Variants in FGF13 observed in about 807,000 individuals in gnomAD.
FGF13 encodes fibroblast growth factor 13, also known as fibroblast growth factor homologous factor 2.
FGF13 carries 2 observed loss-of-function variants against 19.5 expected under a neutral mutation model. That is an observed-to-expected ratio of 0.10 (90% CI 0.04 to 0.32). The LOEUF (loss-of-function observed/expected upper bound fraction) is 0.32. FGF13 is among the 10% of genes least tolerant of loss of function. The pLI, the probability that FGF13 is intolerant of heterozygous loss-of-function variation, is 1.00. For synonymous variants in FGF13, 72 were observed against 76.9 expected (o/e 0.94, Z 0.33); for missense variants, 113 against 192.7 (o/e 0.59, Z 2.45).
intron 1 of FGF13, among the ~76,000 whole-genome samples, chrX:139,112,968 T>C (rs1402613859): frequency 1.1e-5 from 1 of 93,371 alleles, no homozygotes; most frequent in African/African-American, 4.2e-5. Flanking sequence ...TACTTGATTA[T>C]GTAGTGTGTG....
At chrX:139,086,942 C>T (rs898559011) in intron 1 of FGF13, among the ~76,000 whole-genome samples, 5 of 112,240 alleles carry the variant, frequency 4.5e-5, no homozygotes, top group Non-Finnish European at 9.4e-5. Context: ...GATTTCATCA[C>T]GTTGTTATCA....
intron 1 of FGF13, among the ~76,000 whole-genome samples, chrX:138,894,171 G>T (rs1230123096): frequency 9.1e-6 from 1 of 109,819 alleles, no homozygotes; most frequent in Non-Finnish European, 1.9e-5. Context: ...ATTTCAAAAT[G>T]CCCCGGGTCT....
chrX:138,703,171 C>G (rs2089964181), intron 2 of FGF13, 84 bp from the exon 3 acceptor site: 1 of 712,978 alleles, frequency 1.4e-6, no homozygotes, highest in Admixed American at 2.3e-5. Flanking sequence ...CTGCCTGGTC[C>G]TCCAAAAGTA....
chrX:138,781,872 C>G (rs1359798986), intron 3 of FGF13, among the ~76,000 whole-genome samples: 1 of 112,045 alleles, frequency 8.9e-6, no homozygotes, highest in East Asian at 2.8e-4. Context: ...GAATTTTAGA[C>G]CAATATCCTT....
chrX:138,820,226 C>T (rs1385017957), intron 3 of FGF13, among the ~76,000 whole-genome samples: 1 of 111,984 alleles, frequency 8.9e-6, no homozygotes, highest in Non-Finnish European at 1.9e-5. Flanking sequence ...AGAACCATTC[C>T]TGTCCTCAAA....
At chrX:138,740,180 C>A (rs2090309388), upstream of FGF13, among the ~76,000 whole-genome samples, 1 of 111,564 alleles carries the variant, frequency 9.0e-6, no homozygotes, top group Non-Finnish European at 1.9e-5. Flanking sequence ...TCAAATGAGT[C>A]TTTCCTTTTG....
At position 138,711,358 on chromosome X, in the gene FGF13, CTCCGGTCCGAATTT is replaced by C. The variant is rs2090045936; in HGVS notation, c.-369_-356del. On this transcript the variant is annotated 5_prime_UTR_variant, in exon 1 of 5. Coordinates refer to ENST00000315930, the MANE Select transcript of FGF13 (RefSeq NM_004114.5). ...GGCGGACACCGTGCATGTCCAGCTGCTCCGGTCCGAATTTCGCCGGACCCCCTCGCCCTGTTGCC... is the reference window on the plus strand; with the variant it reads ...GGCGGACACCGTGCATGTCCAGCTGCCGCCGGACCCCCTCGCCCTGTTGCC... 1 of 521,577 alleles carries C rather than the reference CTCCGGTCCGAATTT, an allele frequency of 1.9e-6. No individual in the cohort carries two copies. The highest frequency in any genetic ancestry group is 9.3e-5 in the African/African-American group (1 of 10,798). 43.0% of individuals were successfully genotyped at this position (521,577 alleles called of 1,213,427 possible). A position where few individuals can be genotyped will look rare whatever the true frequency, so the allele number is the denominator to read the frequency against.
intron 1 of FGF13, among the ~76,000 whole-genome samples, chrX:139,184,629 T>TAC (rs1260233869): frequency 1.8e-5 from 2 of 110,309 alleles, no homozygotes; most frequent in Non-Finnish European, 3.8e-5. Flanking sequence ...TGTATGTCCC[T>TAC]ACACACACAC....
chrX:138,885,659 T>C (rs374801084), intron 1 of FGF13, among the ~76,000 whole-genome samples: 6 of 107,047 alleles, frequency 5.6e-5, no homozygotes, highest in Non-Finnish European at 9.6e-5. Flanking sequence ...ACTCCTTTAG[T>C]TCATTATTCA....
intron 1 of FGF13, among the ~76,000 whole-genome samples, chrX:139,116,000 GA>G (rs1158180049): frequency 8.9e-6 from 1 of 112,314 alleles, no homozygotes; most frequent in Non-Finnish European, 1.9e-5. Flanking sequence ...TTAGCTCAAT[GA>G]GTAAATACAT....
intron 1 of FGF13, among the ~76,000 whole-genome samples, chrX:139,047,608 G>A (rs964470121): frequency 9.0e-6 from 1 of 111,551 alleles, no homozygotes; most frequent in African/African-American, 3.3e-5. Flanking sequence ...CATGACTTTG[G>A]AAGAGTTAGT....
At chrX:139,020,088 T>C (rs1465959342) in intron 1 of FGF13, among the ~76,000 whole-genome samples, 1 of 111,401 alleles carries the variant, frequency 9.0e-6, no homozygotes, top group Non-Finnish European at 1.9e-5. Context: ...TGAGATCTGG[T>C]TCCTTCCTAT....
At chrX:138,966,091 T>G (rs745735101) in intron 1 of FGF13, among the ~76,000 whole-genome samples, 3 of 111,450 alleles carry the variant, frequency 2.7e-5, no homozygotes, top group Non-Finnish European at 5.7e-5. Context: ...AACATTTGAG[T>G]GAGTGGACTG....
chrX:138,876,246 C>A (rs1038312386), intron 1 of FGF13, among the ~76,000 whole-genome samples: 9 of 112,427 alleles, frequency 8.0e-5, no homozygotes, highest in Middle Eastern at 4.2e-3. Flanking sequence ...TAGAATGATG[C>A]CCAATGGATT....
At chrX:138,775,730 C>A (rs190707894) in intron 3 of FGF13, among the ~76,000 whole-genome samples, 37 of 112,548 alleles carry the variant, frequency 3.3e-4, no homozygotes, top group African/African-American at 1.2e-3. Context: ...CCTTTCCCAT[C>A]GTGATAGAAG....
chrX:138,620,291 A>C lies in FGF13; in HGVS notation c.*12559T>G, dbSNP rs1490586283. 2 of 110,020 alleles carry C rather than the reference A, an allele frequency of 1.8e-5. No homozygotes were observed. The highest frequency in any genetic ancestry group is 6.6e-5 in the African/African-American group (2 of 30,142). The allele number at this position is 110,020 out of a possible 1,213,427, so 9.1% of individuals were successfully genotyped here. A position where few individuals can be genotyped will look rare whatever the true frequency, so the allele number is the denominator to read the frequency against. ...GAGAACACATGGACACAGGGAGGGGAACAATACACACTGGGGCCTGTCAAG... is the reference window on the plus strand; with the variant it reads ...GAGAACACATGGACACAGGGAGGGGCACAATACACACTGGGGCCTGTCAAG... On this transcript the variant is annotated 3_prime_UTR_variant, in exon 5 of 5. Coordinates refer to ENST00000315930, the MANE Select transcript of FGF13 (RefSeq NM_004114.5).
At chrX:139,168,393 C>A (rs886991781) in intron 1 of FGF13, among the ~76,000 whole-genome samples, 36 of 111,396 alleles carry the variant, frequency 3.2e-4, no homozygotes, top group Non-Finnish European at 9.4e-5. Flanking sequence ...AAAAAGCTGA[C>A]ACTCTTCTCC....
At chrX:139,174,761 G>GT (rs2084165717) in intron 1 of FGF13, among the ~76,000 whole-genome samples, 1 of 112,074 alleles carries the variant, frequency 8.9e-6, no homozygotes, top group Admixed American at 9.5e-5. Context: ...CTATAACTCT[G>GT]TTTTGGTACC....
intron 1 of FGF13, among the ~76,000 whole-genome samples, chrX:138,965,843 A>G (rs1256204625): frequency 8.9e-6 from 1 of 112,092 alleles, no homozygotes; most frequent in Non-Finnish European, 1.9e-5. Context: ...TCTATAGCCC[A>G]TGAAAGGGAG....
Sources: allele counts gnomAD v4.1 joint callset (sites outside exome capture counted in the v4.1 genomes callset), GRCh38; gene constraint gnomAD v4.1.1; transcripts MANE v1.5; gene names NCBI Gene and HGNC (gene_info 2026-07-23, HGNC 2026-07-21).